DGKD: variants seen among roughly 807,000 people sequenced by gnomAD.
DGKD encodes the protein DAG kinase delta.
In DGKD, 68 loss-of-function variants were observed where a neutral mutation model predicts 154.4. The ratio of observed to expected loss-of-function variants is 0.44; its 90% CI spans 0.36 to 0.54. The LOEUF (loss-of-function observed/expected upper bound fraction) is 0.54. DGKD is among the 20% of genes least tolerant of loss of function. The pLI is 0.00. For missense variants in DGKD, 1,343 were observed against 1,593.6 expected, an observed-to-expected ratio of 0.84 and a Z score of 2.68; for synonymous variants, 693 against 638.0, an observed-to-expected ratio of 1.09 and a Z score of -1.30.
rs1575161801 is a variant in DGKD at position 233,457,448 on chromosome 2, T to C, written c.2580+120T>C. On this transcript the variant is annotated intron_variant, in intron 21 of 29. Coordinates refer to ENST00000264057, the MANE Select transcript of DGKD (RefSeq NM_152879.3). The surrounding 1 kb of genome is among the most constrained non-coding windows in gnomAD (Gnocchi z 5.5). ...CTCTTCTGTTGTGCCAGCAGTGGGG[T>C]TGCCGTGGAGAACAAGATAGACAGG... is the stretch of plus-strand genomic sequence containing the variant. 1 of 790,492 alleles carries C rather than the reference T, an allele frequency of 1.3e-6. No individual in the cohort carries two copies. Among genetic ancestry groups the C allele is most frequent in the Non-Finnish European group, 2.2e-6 (1 of 456,788 alleles). The allele number at this position is 790,492 out of a possible 1,614,324, so 49.0% of individuals were successfully genotyped here. A position where few individuals can be genotyped will look rare whatever the true frequency, so the allele number is the denominator to read the frequency against.
chr2:233,471,124 C>T lies in DGKD; in HGVS notation c.*1664C>T, dbSNP rs866776329. ...CCTTTGGGTGCTCCCCTCTCGTGGT[C>T]GTTCTGGCCCGAGGCCCTTAGAGTA... On this transcript the variant is annotated 3_prime_UTR_variant, in exon 30 of 30. Transcript: ENST00000264057. 6.6e-6 allele frequency: 1 copy of T among 152,344 alleles called. No individual in the cohort carries two copies. Among genetic ancestry groups the T allele is most frequent in the Non-Finnish European group, 1.5e-5 (1 of 68,090 alleles). 9.4% of individuals were successfully genotyped at this position (152,344 alleles called of 1,614,324 possible). A position where few individuals can be genotyped will look rare whatever the true frequency, so the allele number is the denominator to read the frequency against.
intron 3 of DGKD, among the ~76,000 whole-genome samples, chr2:233,414,703 A>C: frequency 6.6e-6 from 1 of 152,186 alleles, no homozygotes; most frequent in South Asian, 2.1e-4. Flanking sequence ...TGAAAGCTTC[A>C]GGTTGTTTCA....
chr2:233,429,337 T>C, intron 3 of DGKD: 1 of 984,684 alleles, frequency 1.0e-6, no homozygotes. Flanking sequence ...TTTACTATGC[T>C]GACAAAAGTG....
intron 27 of DGKD, 34 bp downstream of exon 27, chr2:233,464,317 CG>C: frequency 6.2e-7 from 1 of 1,607,126 alleles, no homozygotes; most frequent in Non-Finnish European, 8.5e-7. Context: ...CTGGGTCTCC[CG>C]GACATGGTGG....
At chr2:233,388,588 T>A in intron 2 of DGKD, 1 of 425,928 alleles carries the variant, frequency 2.3e-6, no homozygotes, top group Non-Finnish European at 4.1e-6. Flanking sequence ...TTCTTTAATG[T>A]CATCGGTAAT....
chr2:233,370,220 T>G (rs954738685), intron 1 of DGKD, among the ~76,000 whole-genome samples: 1 of 152,110 alleles, frequency 6.6e-6, no homozygotes, highest in Non-Finnish European at 1.5e-5. Flanking sequence ...CATTTATTAT[T>G]TATTTATTTT....
intron 28 of DGKD, among the ~76,000 whole-genome samples, chr2:233,467,697 G>C (rs1465761920): frequency 6.6e-6 from 1 of 152,182 alleles, no homozygotes; most frequent in Non-Finnish European, 1.5e-5. Flanking sequence ...CAGTAAATTG[G>C]AGCTAAACTC....
chr2:233,434,007 G>T (rs1197778993), intron 3 of DGKD, among the ~76,000 whole-genome samples: 1 of 152,176 alleles, frequency 6.6e-6, no homozygotes, highest in Non-Finnish European at 1.5e-5. Context: ...TTCAAATGCT[G>T]GCCATCACTG....
At chr2:233,369,515 A>G (rs1393853764) in intron 1 of DGKD, among the ~76,000 whole-genome samples, 1 of 152,162 alleles carries the variant, frequency 6.6e-6, no homozygotes, top group African/African-American at 2.4e-5. Context: ...CTTTTCTAAA[A>G]TGGTCTTCCA....
In DGKD at chr2:233,434,890, T is replaced by G; in HGVS notation, c.575T>G (p.Leu192Arg). Residue 192 changes from leucine (L) to arginine (R), a missense_variant, in exon 5 of 30, where the codon CTG becomes CGG. Leu to Arg is a moderately radical substitution (Grantham distance 102). Coordinates refer to ENST00000264057, the MANE Select transcript of DGKD (RefSeq NM_152879.3). Reference sequence around the variant, plus strand: ...CTGTCTGGGGTCACGTCGCACGGGCTGTCCTGCGAGGGTACGGATGTGCGT... The same window carrying G: ...CTGTCTGGGGTCACGTCGCACGGGCGGTCCTGCGAGGGTACGGATGTGCGT... ...EALSGVTSHGLSCEVCKFKAH... is the reference protein window; with the variant it reads ...EALSGVTSHGRSCEVCKFKAH... The G allele has an allele frequency of 3.1e-6, 5 of 1,613,488 alleles. No homozygotes were observed. The highest frequency in any genetic ancestry group is 4.2e-6 in the Non-Finnish European group (5 of 1,179,920).
chr2:233,435,426 G>GA (rs1350589140), intron 5 of DGKD, among the ~76,000 whole-genome samples: 1 of 152,118 alleles, frequency 6.6e-6, no homozygotes, highest in African/African-American at 2.4e-5. Context: ...TAAATGATTG[G>GA]AAAAAATCAA....
rs1234897326 is a variant in DGKD, at chr2:233,449,459, A to C, written c.1888+83A>C. 10 of 1,491,690 alleles carry C rather than the reference A, an allele frequency of 6.7e-6. No individual in the cohort carries two copies. Among genetic ancestry groups the C allele is most frequent in the Admixed American group, 4.3e-5 (2 of 46,836 alleles). 92.4% of individuals were successfully genotyped at this position (1,491,690 alleles called of 1,614,324 possible). On this transcript the variant is annotated intron_variant, in intron 15 of 29. Coordinates refer to ENST00000264057, the MANE Select transcript of DGKD (RefSeq NM_152879.3). The surrounding 1 kb of genome is among the most constrained non-coding windows in gnomAD (Gnocchi z 5.3). ...CGTCCCCTGAACACGGAGATGACAG[A>C]AGGGTGCATGTTGAGAAAACCTCCA...
chr2:233,361,919 C>G (rs989511928), intron 1 of DGKD, among the ~76,000 whole-genome samples: 1 of 152,156 alleles, frequency 6.6e-6, no homozygotes. Context: ...CCTCAGCCCC[C>G]CGAGTAGCTA....
intron 10 of DGKD, among the ~76,000 whole-genome samples, chr2:233,444,418 C>G (rs572659649): frequency 6.6e-6 from 1 of 151,792 alleles, no homozygotes; most frequent in African/African-American, 2.4e-5. Context: ...AAGTCCAGAC[C>G]TTTAAGAGTC....
At position 233,449,242 on chromosome 2, in the gene DGKD, G is replaced by C. The variant is rs763845799; in HGVS notation, c.1754G>C (p.Gly585Ala). ...GGAGATGGGTCGGGCAGCATCTGCG[G>C]TTCCACCGGAGACCGCTTGGTGGCA... Reference protein sequence around the residue: ...EDGDGSGSICGSTGDRLVASA... With the variant: ...EDGDGSGSICASTGDRLVASA... Residue 585 changes from glycine (G) to alanine (A), a missense_variant, in exon 15 of 30, where the codon GGT (glycine) becomes GCT (alanine). Physicochemically the swap from Gly to Ala is moderately conservative, Grantham distance 60. This residue lies in a region of DGKD where 409 missense variants were observed against 446.0 expected (regional missense o/e 0.92). Coordinates refer to ENST00000264057, the MANE Select transcript of DGKD (RefSeq NM_152879.3). The surrounding 1 kb of genome is among the most constrained non-coding windows in gnomAD (Gnocchi z 5.3). The C allele has an allele frequency of 1.2e-6, 2 of 1,613,850 alleles. No individual in the cohort carries two copies. The highest frequency in any genetic ancestry group is 1.7e-6 in the Non-Finnish European group (2 of 1,179,990).
chr2:233,392,050 T>C (rs1350722379), intron 3 of DGKD: 1 of 152,172 alleles, frequency 6.6e-6, no homozygotes, highest in Non-Finnish European at 1.5e-5. Flanking sequence ...TTTGAGATGT[T>C]GTCTCCCTTT....
At chr2:233,390,009 C>G (rs1451565480) in intron 2 of DGKD, among the ~76,000 whole-genome samples, 1 of 152,224 alleles carries the variant, frequency 6.6e-6, no homozygotes, top group East Asian at 1.9e-4. Context: ...ATCCTCAGTC[C>G]AGACCCCGGC....
chr2:233,449,367 A>G lies in DGKD; in HGVS notation c.1879A>G (p.Thr627Ala). ...AGCAATTCGTCAGATCATAGAACAC[A>G]CAGAAAAAGGTAACTGGCCTTGTGA... ...KKAIRQIIEH[T>A]EKAVDEQNAQ... Residue 627 changes from threonine to alanine, a missense_variant, in exon 15 of 30, where the codon ACA (threonine) becomes GCA (alanine). By Grantham distance (58) the Thr-to-Ala change is moderately conservative (BLOSUM62 0). This residue lies in a region of DGKD where 409 missense variants were observed against 446.0 expected (regional missense o/e 0.92). Transcript: ENST00000264057. The surrounding 1 kb of genome is among the most constrained non-coding windows in gnomAD (Gnocchi z 5.3). 1.3e-6 allele frequency: 2 copies of G among 1,595,290 alleles called. No homozygotes were observed.
chr2:233,390,334 A>C (rs1323195345), intron 2 of DGKD, 69 bp from the exon 3 acceptor site: 2 of 1,168,846 alleles, frequency 1.7e-6, no homozygotes, highest in African/African-American at 3.1e-5. Context: ...TGTGGTGGGC[A>C]GCGCTGGCTA....
Sources: gnomAD v4.1 joint callset for allele counts (sites outside exome capture counted in the v4.1 genomes callset) on GRCh38, gnomAD v4.1.1 for gene constraint, gnomAD v4.1.1 regional missense constraint, Gnocchi (gnomAD v3.1) non-coding constraint, MANE v1.5 for transcripts, NCBI Gene and HGNC (gene_info 2026-07-23, HGNC 2026-07-21) for gene names.